The following MBD3L1 variants were observed in gnomAD, a reference collection of about 807,000 sequenced individuals.
MBD3L1 encodes methyl-CpG-binding domain protein 3-like 1.
For missense variants in MBD3L1, 203 were observed against 230.1 expected (o/e 0.88, Z 0.76); for synonymous variants, 84 against 85.1 (o/e 0.99, Z 0.07).
intron 1 of MBD3L1, among the ~76,000 whole-genome samples, chr19:8,835,130 C>G (rs2044441563): frequency 1.3e-5 from 2 of 151,830 alleles, no homozygotes; most frequent in South Asian, 4.2e-4. Flanking sequence ...TGGCTCACTG[C>G]ATCCTCTGCC....
Position 8,843,000 on chromosome 19 carries a change from G to GT in MBD3L1, c.322_323insT (p.Asp108ValfsTer44), listed in dbSNP as rs778456518. The stretch of plus-strand genomic sequence containing the variant: ...TTACACAGGTGGATCTCTGCTGGAG[G>GT]ATCTTGCCAGTGGTCTGGAGCACTC... On this transcript the variant is annotated frameshift_variant, in exon 3 of 3. Coordinates refer to ENST00000595891, the MANE Select transcript of MBD3L1 (RefSeq NM_001393532.1). LOFTEE classifies it low-confidence loss of function (END_TRUNC). 4 of 1,614,224 alleles carry GT rather than the reference G, an allele frequency of 2.5e-6. No homozygotes were observed. The East Asian group carries it at 8.9e-5, about 36-fold the overall frequency.
rs116947996 is a variant in MBD3L1 at position 8,834,849 on chromosome 19, T to C, written c.-107+2327T>C. 9.7e-4 allele frequency among the ~76,000 whole-genome samples: 148 copies of C among 152,074 alleles called. 3 individuals are homozygous for C. The East Asian group carries it at 0.027, about 27-fold the overall frequency. On this transcript the variant is annotated intron_variant, in intron 1 of 2. Transcript: ENST00000595891. ...TCTTAGATATGACATCAAAAACAGG[T>C]GGCGAAAGAAAAAATATATAAATTG...
intron 1 of MBD3L1, among the ~76,000 whole-genome samples, chr19:8,836,749 C>T (rs1424096218): frequency 6.6e-6 from 1 of 152,174 alleles, no homozygotes; most frequent in African/African-American, 2.4e-5. Context: ...GCCTTGGCTG[C>T]CCAAAGTGCT....
chr19:8,834,510 A>G (rs1359191955), intron 1 of MBD3L1, among the ~76,000 whole-genome samples: 1 of 151,546 alleles, frequency 6.6e-6, no homozygotes. Flanking sequence ...CGGGAGACTG[A>G]GGCAGAAGAA....
Position 8,833,861 on chromosome 19 carries a change from C to A in MBD3L1, c.-107+1339C>A, listed in dbSNP as rs2044420007. ...AATTAGCCGGGCGTGGTGGCGGATG[C>A]CTTGTAATCCCAGGTACTTGGGAGG... is the stretch of plus-strand genomic sequence containing the variant. On this transcript the variant is annotated intron_variant, in intron 1 of 2. Transcript: ENST00000595891. Among the ~76,000 whole-genome samples the A allele has an allele frequency of 2.0e-5, 3 of 151,826 alleles. No homozygotes were observed. The South Asian group carries it at 6.2e-4, about 31-fold the overall frequency.
At chr19:8,841,494 A>T (rs1258377461) in intron 2 of MBD3L1, among the ~76,000 whole-genome samples, 1 of 152,190 alleles carries the variant, frequency 6.6e-6, no homozygotes, top group African/African-American at 2.4e-5. Flanking sequence ...TATCTATGGT[A>T]TGGGCATTTG....
chr19:8,833,696 C>T (rs2044416071), intron 1 of MBD3L1, among the ~76,000 whole-genome samples: 2 of 152,202 alleles, frequency 1.3e-5, no homozygotes, highest in African/African-American at 4.8e-5. Context: ...CGTTAGATAC[C>T]ACTAAGTGCT....
At chr19:8,838,062 C>G (rs1339987106) in intron 1 of MBD3L1, among the ~76,000 whole-genome samples, 2 of 151,688 alleles carry the variant, frequency 1.3e-5, no homozygotes, top group African/African-American at 2.4e-5. Context: ...TCCTGGATAA[C>G]ATGGTGAAAC....
Position 8,842,970 on chromosome 19 carries a change from C to T in MBD3L1, c.292C>T (p.Pro98Ser), listed in dbSNP as rs767478357. Reference sequence around the variant, plus strand: ...TGCCAATACCTTGCAAAAACTTGTCCCTAGTTACACAGGTGGATCTCTGCT... The same window carrying T: ...TGCCAATACCTTGCAAAAACTTGTCTCTAGTTACACAGGTGGATCTCTGCT... ...DLANTLQKLV[P>S]SYTGGSLLED... Residue 98 changes from proline to serine, a missense_variant, in exon 3 of 3, where the codon CCT becomes TCT. Physicochemically the swap from Pro to Ser is moderately conservative, Grantham distance 74 (BLOSUM62 -1). Transcript: ENST00000595891. The T allele has an allele frequency of 3.1e-6, 5 of 1,614,178 alleles. No homozygotes were observed. Among genetic ancestry groups the T allele is most frequent in the East Asian group, 4.5e-5 (2 of 44,880 alleles).
At chr19:8,837,257 A>G (rs2044465006) in intron 1 of MBD3L1, among the ~76,000 whole-genome samples, 1 of 152,214 alleles carries the variant, frequency 6.6e-6, no homozygotes, top group Non-Finnish European at 1.5e-5. Context: ...GAAATGTTTG[A>G]ACCTTGTTAA....
intron 1 of MBD3L1, among the ~76,000 whole-genome samples, chr19:8,834,852 C>T (rs752187796): frequency 7.3e-5 from 11 of 151,320 alleles, no homozygotes; most frequent in Admixed American, 4.6e-4. Flanking sequence ...AAACAGGTGG[C>T]GAAAGAAAAA....
At chr19:8,833,050 G>C (rs2044401894) in intron 1 of MBD3L1, 1 of 153,278 alleles carries the variant, frequency 6.5e-6, no homozygotes. Context: ...CACCAGGCCT[G>C]GGGAGGGGGC....
At chr19:8,832,840 G>A (rs1298725708) in intron 1 of MBD3L1, among the ~76,000 whole-genome samples, 1 of 150,682 alleles carries the variant, frequency 6.6e-6, no homozygotes, top group Non-Finnish European at 1.5e-5. Flanking sequence ...TGACAGCCCT[G>A]GAGGTTGGGG....
At chr19:8,841,196 C>CT (rs749536479) in intron 2 of MBD3L1, among the ~76,000 whole-genome samples, 197 bp downstream of exon 2, 698 of 135,600 alleles carry the variant, frequency 5.1e-3, no homozygotes, top group Middle Eastern at 0.018. Flanking sequence ...CCAGCTAATT[C>CT]TTTTTTTTTT....
chr19:8,839,304 C>A (rs1389061143), intron 1 of MBD3L1, among the ~76,000 whole-genome samples: 1 of 151,382 alleles, frequency 6.6e-6, no homozygotes, highest in Non-Finnish European at 1.5e-5. Context: ...CCTGCCTCAG[C>A]CTCCTGAGTA....
intron 1 of MBD3L1, among the ~76,000 whole-genome samples, chr19:8,838,612 T>C (rs2044479508): frequency 6.6e-6 from 1 of 152,198 alleles, no homozygotes; most frequent in African/African-American, 2.4e-5. Flanking sequence ...GGCCAACATA[T>C]TCTCATGTGT....
In MBD3L1 at chr19:8,843,176, G is replaced by C. The variant is rs146347817; in HGVS notation, c.498G>C (p.Glu166Asp). 2 of 1,613,798 alleles carry C rather than the reference G, an allele frequency of 1.2e-6. No individual in the cohort carries two copies. The highest frequency in any genetic ancestry group is 1.7e-6 in the Non-Finnish European group (2 of 1,179,930). Residue 166 changes from glutamate to aspartate, a missense_variant, in exon 3 of 3, where the codon GAG becomes GAC. Transcript: ENST00000595891. ...AAGGGAAAGTGAAGACAGTCAGAGA[G>C]AGACTCGCAATAGCACTGATTGCGG... ...KQEGKVKTVR[E>D]RLAIALIADG...
intron 1 of MBD3L1, among the ~76,000 whole-genome samples, chr19:8,836,522 T>C (rs12973492): frequency 0.17 from 25,790 of 151,426 alleles, 2,739 homozygotes; most frequent in East Asian, 0.27. Context: ...GACAGGATCT[T>C]GCTTTGTCAC....
At position 8,843,212 on chromosome 19, in the gene MBD3L1, T is replaced by C; in HGVS notation, c.534T>C (p.Ala178=). The C allele has an allele frequency of 6.2e-7, 1 of 1,610,572 alleles. No individual in the cohort carries two copies. Among genetic ancestry groups the C allele is most frequent in the Non-Finnish European group, 8.5e-7 (1 of 1,178,480 alleles). ...LAIALIADGL[A]NEAEKVRDQE... ...TAGCACTGATTGCGGATGGACTCGC[T>C]AATGAGGCAGAGAAAGTGAGAGACC... Residue 178 remains alanine, a synonymous_variant, in exon 3 of 3, where the codon GCT becomes GCC. Transcript: ENST00000595891.
Sources: gnomAD v4.1 joint callset for allele counts (sites outside exome capture counted in the v4.1 genomes callset) on GRCh38, gnomAD v4.1.1 for gene constraint, MANE v1.5 for transcripts, NCBI Gene and HGNC (gene_info 2026-07-23, HGNC 2026-07-21) for gene names.